The following TMEM131 variants were observed in gnomAD, a reference collection of about 807,000 sequenced individuals.
TMEM131 encodes the protein transmembrane protein 131.
TMEM131 carries 66 observed loss-of-function variants against 211.6 expected under a neutral mutation model. That is an observed-to-expected ratio of 0.31 (90% CI 0.26 to 0.38). TMEM131 has a LOEUF of 0.38. Ranked by LOEUF, TMEM131 falls within the 10% of genes least tolerant of loss-of-function variation. The probability of loss-of-function intolerance (pLI) is 1.00; values close to 1 mark genes in which losing one functional copy is unlikely to be tolerated. For missense variants in TMEM131, 2,036 were observed against 2,299.3 expected (o/e 0.89, Z 2.34); for synonymous variants, 844 against 841.3 (o/e 1.00, Z -0.06).
At position 97,758,971 on chromosome 2, in the gene TMEM131, T is replaced by C. The variant is rs1264616380; in HGVS notation, c.5289A>G (p.Ser1763=). The change falls in exon 40 of 41, where the codon TCA becomes TCG. Residue 1763 remains serine (S), a synonymous_variant. Transcript: ENST00000186436. Reference sequence around the variant, plus strand: ...CTGTCGCTGGCGACTCCCAAAGGTATGAAGGGCCACTATTAAACTCGTTCC... The same window carrying C: ...CTGTCGCTGGCGACTCCCAAAGGTACGAAGGGCCACTATTAAACTCGTTCC... The part of the protein sequence containing the change: ...RSWNEFNSGP[S]YLWESPATDP... 1.2e-6 allele frequency: 2 copies of C among 1,614,072 alleles called. No individual in the cohort carries two copies. Among genetic ancestry groups the C allele is most frequent in the Non-Finnish European group, 1.7e-6 (2 of 1,179,904 alleles).
At chr2:97,811,098 C>T (rs760425925) in intron 18 of TMEM131, 30 bp downstream of exon 18, 4 of 1,468,536 alleles carry the variant, frequency 2.7e-6, no homozygotes, top group South Asian at 1.1e-5. Flanking sequence ...AGAAAAACCC[C>T]ACTGCCATGA....
rs749319010 is a variant in TMEM131 at position 97,775,866 on chromosome 2, C to T, written c.4297G>A (p.Asp1433Asn). 9 of 1,613,334 alleles carry T rather than the reference C, an allele frequency of 5.6e-6. No homozygotes were observed. In the Admixed American group the frequency reaches 1.5e-4, roughly 27 times the overall value. ...ACCTCCTTGAGGAGCGGTTCTGTGT[C>T]AGGGTTGGAGGTCTCTGTGGTGGTG... ...SSTTTETSNP[D>N]TEPLLKEDTE... Residue 1433 changes from aspartate to asparagine, a missense_variant, in exon 32 of 41, where the codon GAC becomes AAC. By Grantham distance (23) the Asp-to-Asn change is conservative. Transcript: ENST00000186436.
intron 11 of TMEM131, among the ~76,000 whole-genome samples, chr2:97,822,077 C>T (rs1682150715): frequency 6.6e-6 from 1 of 152,198 alleles, no homozygotes; most frequent in East Asian, 1.9e-4. Context: ...GCCTGTCAGA[C>T]AAACTTCCTC....
chr2:97,771,406 A>G (rs1329788768), intron 33 of TMEM131, among the ~76,000 whole-genome samples: 4 of 152,170 alleles, frequency 2.6e-5, no homozygotes, highest in African/African-American at 4.8e-5. Flanking sequence ...TGTTTTTGCA[A>G]AACTCAAGTA....
rs777226328 is a variant in TMEM131, at chr2:97,759,026, C to A, written c.5234G>T (p.Arg1745Leu). 5 of 1,614,018 alleles carry A rather than the reference C, an allele frequency of 3.1e-6. No individual in the cohort carries two copies. Among genetic ancestry groups the A allele is most frequent in the Non-Finnish European group, 4.2e-6 (5 of 1,179,902 alleles). Residue 1745 changes from arginine (R) to leucine (L), a missense_variant, in exon 40 of 41, where the codon CGA (arginine) becomes CTA (leucine). By Grantham distance (102) the Arg-to-Leu change is moderately radical (BLOSUM62 -2). Coordinates refer to ENST00000186436, the MANE Select transcript of TMEM131 (RefSeq NM_015348.2). ...CCTCTGTGAGGCCTGATTGCACGAT[C>A]GAGATAATCCGAGTTTGCTGAAAAC... ...GEVFSKLGLS[R>L]SCNQASQRSW...
chr2:97,923,136 A>G (rs907566401), intron 2 of TMEM131, among the ~76,000 whole-genome samples: 5 of 151,998 alleles, frequency 3.3e-5, no homozygotes, highest in South Asian at 2.1e-4. Context: ...TAAAACTACA[A>G]AAGTTAGCTG....
At chr2:97,952,213 AC>A (rs1472149119) in intron 1 of TMEM131, among the ~76,000 whole-genome samples, 14 of 152,098 alleles carry the variant, frequency 9.2e-5, no homozygotes, top group African/African-American at 3.4e-4. Flanking sequence ...GTAGGCTGAA[AC>A]AAAAAAATGA....
intron 10 of TMEM131, 39 bp from the exon 11 acceptor site, chr2:97,833,465 T>A: frequency 4.1e-6 from 4 of 986,888 alleles, no homozygotes; most frequent in Non-Finnish European, 6.1e-6. Context: ...CTTAAAAAGG[T>A]GCTTTTTAGC....
At chr2:97,882,358 C>G (rs1674970233) in intron 4 of TMEM131, among the ~76,000 whole-genome samples, 1 of 152,176 alleles carries the variant, frequency 6.6e-6, no homozygotes, top group South Asian at 2.1e-4. Context: ...CAAACACTAA[C>G]CTAAGTGCTG....
intron 11 of TMEM131, chr2:97,827,456 C>T: frequency 9.7e-7 from 1 of 1,031,986 alleles, no homozygotes; most frequent in Admixed American, 1.7e-5. Context: ...AACCAAGAAA[C>T]TAAAGAAGAT....
chr2:97,913,187 A>C (rs1192416332), intron 2 of TMEM131: 1 of 152,086 alleles, frequency 6.6e-6, no homozygotes, highest in Non-Finnish European at 1.5e-5. Context: ...GCCTGCTGCT[A>C]AACACCCGGT....
At chr2:97,876,703 A>T (rs1183387086) in intron 4 of TMEM131, among the ~76,000 whole-genome samples, 2 of 152,224 alleles carry the variant, frequency 1.3e-5, no homozygotes, top group Non-Finnish European at 2.9e-5. Context: ...AACATATCTC[A>T]AAATAATAAA....
intron 5 of TMEM131, among the ~76,000 whole-genome samples, chr2:97,858,937 G>C (rs549874685): frequency 6.6e-6 from 1 of 152,324 alleles, no homozygotes; most frequent in East Asian, 1.9e-4. Flanking sequence ...ACAGTTTACA[G>C]AACTGTGTGC....
intron 31 of TMEM131, among the ~76,000 whole-genome samples, chr2:97,785,093 T>C (rs977950900): frequency 6.6e-6 from 1 of 152,180 alleles, no homozygotes; most frequent in Non-Finnish European, 1.5e-5. Flanking sequence ...TGAACAGCCC[T>C]GTAACTATTA....
intron 1 of TMEM131, among the ~76,000 whole-genome samples, chr2:97,990,327 AAAG>A (rs1388800326): frequency 6.6e-6 from 1 of 152,170 alleles, no homozygotes; most frequent in Non-Finnish European, 1.5e-5. Flanking sequence ...AAAAAAAAAA[AAAG>A]TACATTTTAC....
intron 1 of TMEM131, among the ~76,000 whole-genome samples, chr2:97,974,206 T>C (rs1679425875): frequency 6.6e-6 from 1 of 151,648 alleles, no homozygotes; most frequent in Non-Finnish European, 1.5e-5. Context: ...ATGAAAAAAA[T>C]GTGATGGATG....
chr2:97,917,078 C>T (rs183785729), intron 2 of TMEM131, among the ~76,000 whole-genome samples: 3 of 152,268 alleles, frequency 2.0e-5, no homozygotes, highest in Admixed American at 6.5e-5. Context: ...CCTGGGAGAA[C>T]ATTAAAGCCC....
At chr2:97,930,611 G>A (rs1661722477) in intron 1 of TMEM131, among the ~76,000 whole-genome samples, 1 of 150,906 alleles carries the variant, frequency 6.6e-6, no homozygotes, top group Non-Finnish European at 1.5e-5. Flanking sequence ...AACGTATTTT[G>A]CTTTAAACAG....
rs1172911231 is a variant in TMEM131 at position 97,792,849 on chromosome 2, T to C, written c.3681A>G (p.Arg1227=). 6 of 1,613,930 alleles carry C rather than the reference T, an allele frequency of 3.7e-6. No homozygotes were observed. The highest frequency in any genetic ancestry group is 5.1e-6 in the Non-Finnish European group (6 of 1,179,884). Residue 1227 remains arginine, a synonymous_variant, in exon 31 of 41, where the codon AGA becomes AGG. Coordinates refer to ENST00000186436, the MANE Select transcript of TMEM131 (RefSeq NM_015348.2). The part of the protein sequence containing the change: ...SVHPHSSHSN[R]NSADVENVRA... ...TGACGTTTTCCACGTCAGCTGAGTT[T>C]CTATTGCTGTGACTGCTGTGTGGGT...
Sources: allele counts gnomAD v4.1 joint callset (sites outside exome capture counted in the v4.1 genomes callset), GRCh38; gene constraint gnomAD v4.1.1; transcripts MANE v1.5; gene names NCBI Gene and HGNC (gene_info 2026-07-23, HGNC 2026-07-21).